The following RBPJ variants were observed in gnomAD, a reference collection of about 807,000 sequenced individuals.
RBPJ encodes the protein recombining binding protein suppressor of hairless.
RBPJ carries 9 observed loss-of-function variants against 67.8 expected under a neutral mutation model. The observed-to-expected ratio is 0.13, with a 90% confidence interval of 0.08 to 0.23. The LOEUF (loss-of-function observed/expected upper bound fraction) is 0.23, where lower values mean the gene tolerates loss of function less well. RBPJ is among the 10% of genes least tolerant of loss of function. RBPJ has a pLI of 1.00. For missense variants in RBPJ, 305 were observed against 595.6 expected (o/e 0.51, Z 5.08); for synonymous variants, 198 against 203.3 (o/e 0.97, Z 0.22).
intron 1 of RBPJ, among the ~76,000 whole-genome samples, chr4:26,274,357 G>A (rs1379962008): frequency 6.6e-6 from 1 of 152,220 alleles, no homozygotes; most frequent in Non-Finnish European, 1.5e-5. Context: ...GCCAGACACG[G>A]TGGCTCACCC....
chr4:26,178,550 G>A (rs1210518815), intron 1 of RBPJ, among the ~76,000 whole-genome samples: 2 of 149,762 alleles, frequency 1.3e-5, no homozygotes, highest in African/African-American at 4.9e-5. Context: ...AGAGATTGCA[G>A]TGGGCTGAGA....
intron 1 of RBPJ, among the ~76,000 whole-genome samples, 160 bp downstream of exon 1, chr4:26,321,208 G>GTGCGCTGCCGCTC (rs1442511453): frequency 6.8e-6 from 1 of 146,082 alleles, no homozygotes; most frequent in Non-Finnish European, 1.5e-5. Context: ...GCGTGTGGCC[G>GTGCGCTGCCGCTC]TGCGCTGCCG....
At chr4:26,204,350 G>A (rs576268655) in intron 1 of RBPJ, among the ~76,000 whole-genome samples, 32 of 152,344 alleles carry the variant, frequency 2.1e-4, no homozygotes, top group Admixed American at 5.9e-4. Flanking sequence ...CCACACCAAT[G>A]AAAGAGGTGT....
At chr4:26,349,298 C>G (rs1440710489) in intron 1 of RBPJ, among the ~76,000 whole-genome samples, 1 of 152,104 alleles carries the variant, frequency 6.6e-6, no homozygotes, top group Non-Finnish European at 1.5e-5. Flanking sequence ...CCTCAAACTT[C>G]TGGACGCAAG....
chr4:26,202,084 A>T (rs886793552), intron 1 of RBPJ, among the ~76,000 whole-genome samples: 4 of 151,994 alleles, frequency 2.6e-5, no homozygotes, highest in African/African-American at 7.3e-5. Context: ...CACTTTGCTG[A>T]TTCCTCCTTG....
intron 1 of RBPJ, among the ~76,000 whole-genome samples, chr4:26,347,348 A>C (rs1560283311): frequency 6.6e-6 from 1 of 152,226 alleles, no homozygotes; most frequent in Admixed American, 6.5e-5. Flanking sequence ...GCAGAGACAG[A>C]CTTGGCAAGC....
intron 1 of RBPJ, among the ~76,000 whole-genome samples, chr4:26,312,280 C>T (rs890328790): frequency 1.3e-4 from 20 of 152,156 alleles, no homozygotes; most frequent in East Asian, 5.8e-4. Flanking sequence ...TGCAGGCACC[C>T]GCCACCACGC....
At chr4:26,132,878 G>A in the RBPJ span, among the ~76,000 whole-genome samples, 126 of 152,174 alleles carry the variant, frequency 8.3e-4, no homozygotes, top group African/African-American at 2.7e-3. Context: ...CAGAAAGCCC[G>A]TGTCTGTGCT....
intron 1 of RBPJ, among the ~76,000 whole-genome samples, chr4:26,361,048 A>AGTGTGTGTGTGTGTGTGTGT: frequency 6.8e-6 from 1 of 147,346 alleles, no homozygotes; most frequent in Non-Finnish European, 1.5e-5. Flanking sequence ...TTCAGGAGTG[A>AGTGTGTGTGTGTGTGTGTGT]GTGTGTGTGC....
At chr4:26,157,998 T>C in the RBPJ span, among the ~76,000 whole-genome samples, 1 of 152,232 alleles carries the variant, frequency 6.6e-6, no homozygotes, top group African/African-American at 2.4e-5. Flanking sequence ...ACTATCTAGC[T>C]GAACCCAGCC....
At chr4:26,186,845 C>T (rs185503646) in intron 1 of RBPJ, among the ~76,000 whole-genome samples, 1 of 152,220 alleles carries the variant, frequency 6.6e-6, no homozygotes, top group East Asian at 1.9e-4. Context: ...GAAAATAAAA[C>T]AGCTGCATCA....
intron 3 of RBPJ, among the ~76,000 whole-genome samples, chr4:26,409,787 C>T (rs1375880879): frequency 3.3e-5 from 5 of 152,154 alleles, no homozygotes; most frequent in African/African-American, 4.8e-5. Context: ...CGTGAGCCAC[C>T]GCACCCAGCC....
At chr4:26,150,907 A>G in the RBPJ span, among the ~76,000 whole-genome samples, 8 of 152,210 alleles carry the variant, frequency 5.3e-5, no homozygotes, top group East Asian at 1.3e-3. Context: ...ATCAGACAAG[A>G]GTAAATGTGC....
intron 2 of RBPJ, among the ~76,000 whole-genome samples, chr4:26,398,784 T>G (rs1258038421): frequency 6.6e-6 from 1 of 152,124 alleles, no homozygotes; most frequent in Non-Finnish European, 1.5e-5. Context: ...CGGGTAATTT[T>G]TGTATTTTTA....
At chr4:26,286,098 G>A (rs929859936) in intron 1 of RBPJ, among the ~76,000 whole-genome samples, 1 of 99,910 alleles carries the variant, frequency 1.0e-5, no homozygotes, top group South Asian at 3.1e-4. Context: ...TGAAAGCTTA[G>A]GCTAAAAATC....
intron 1 of RBPJ, among the ~76,000 whole-genome samples, chr4:26,223,844 C>T (rs540537938): frequency 6.6e-6 from 1 of 152,308 alleles, no homozygotes; most frequent in African/African-American, 2.4e-5. Context: ...GTGCTTTGCA[C>T]AGAAAGGATC....
intron 3 of RBPJ, among the ~76,000 whole-genome samples, chr4:26,407,475 A>G (rs1733548141): frequency 6.6e-6 from 1 of 152,186 alleles, no homozygotes; most frequent in Non-Finnish European, 1.5e-5. Flanking sequence ...TATTCTATAA[A>G]TTTCCGCATT....
At chr4:26,238,554 G>A (rs899053567) in intron 1 of RBPJ, among the ~76,000 whole-genome samples, 1 of 152,204 alleles carries the variant, frequency 6.6e-6, no homozygotes, top group Non-Finnish European at 1.5e-5. Context: ...GTGGCCAAAG[G>A]TCACAGAGCT....
At chr4:26,228,831 A>G (rs528242857) in intron 1 of RBPJ, among the ~76,000 whole-genome samples, 60 of 152,340 alleles carry the variant, frequency 3.9e-4, no homozygotes, top group Non-Finnish European at 2.4e-4. Flanking sequence ...TTCATACAGA[A>G]CTTGGACCTG....
Sources: allele counts gnomAD v4.1 joint callset (sites outside exome capture counted in the v4.1 genomes callset), GRCh38; gene constraint gnomAD v4.1.1; transcripts MANE v1.5; gene names NCBI Gene and HGNC (gene_info 2026-07-23, HGNC 2026-07-21).